Variants in CSRP3 observed in about 807,000 individuals in gnomAD.
CSRP3 encodes cysteine and glycine rich protein 3, also known as cysteine and glycine-rich protein 3.
Under a neutral mutation model 24.3 loss-of-function variants are expected in CSRP3, and 24 were observed. The observed-to-expected ratio is 0.99, with a 90% CI of 0.71 to 1.39. The LOEUF (loss-of-function observed/expected upper bound fraction) is 1.39. Ranked by LOEUF, CSRP3 falls within the 40% of genes most tolerant of loss-of-function variation. CSRP3 has a pLI of 0.00. For missense variants in CSRP3, 240 were observed against 249.0 expected (o/e 0.96, Z 0.24); for synonymous variants, 105 against 94.0 (o/e 1.12, Z -0.68).
chr11:19,183,189 G>A (rs1297034745), intron 5 of CSRP3, among the ~76,000 whole-genome samples: 2 of 151,852 alleles, frequency 1.3e-5, no homozygotes, highest in African/African-American at 2.4e-5. Flanking sequence ...GTTTATGCAT[G>A]AGCTAACTTT....
rs144404101 is a variant in CSRP3 at position 19,184,934 on chromosome 11, G to A, written c.508+18C>T. 978 of 1,577,920 alleles carry A rather than the reference G, an allele frequency of 6.2e-4. 8 individuals are homozygous for A. The African/African-American group carries it at 0.011, about 18-fold the overall frequency. On this transcript the variant is annotated intron_variant, in intron 5 of 5. Transcript: ENST00000265968. Reference sequence around the variant, plus strand: ...TTTAGGGAAAACATATTTCAAGAAAGTCTCCAGAATCACTCACCTTTGCAA... The same window carrying A: ...TTTAGGGAAAACATATTTCAAGAAAATCTCCAGAATCACTCACCTTTGCAA...
chr11:19,188,881 T>G (rs1391582078), intron 2 of CSRP3, among the ~76,000 whole-genome samples: 1 of 152,066 alleles, frequency 6.6e-6, no homozygotes, highest in Non-Finnish European at 1.5e-5. Flanking sequence ...TAGGCTTCTA[T>G]TGGCTCAAGC....
At chr11:19,188,354 C>T (rs1317074063) in intron 2 of CSRP3, 50 bp from the exon 3 acceptor site, 1 of 1,593,782 alleles carries the variant, frequency 6.3e-7, no homozygotes, top group Admixed American at 1.7e-5. Flanking sequence ...TCCTTCTCCC[C>T]TTCTTTGCAC....
chr11:19,184,099 T>G (rs183347938), intron 5 of CSRP3, among the ~76,000 whole-genome samples: 1 of 152,338 alleles, frequency 6.6e-6, no homozygotes, highest in East Asian at 1.9e-4. Flanking sequence ...ATGTCTTTAT[T>G]AGCAGCATGA....
At chr11:19,197,407 T>C (rs1472980131) in intron 1 of CSRP3, among the ~76,000 whole-genome samples, 2 of 75,050 alleles carry the variant, frequency 2.7e-5, no homozygotes, top group Non-Finnish European at 4.7e-5. Context: ...CCTTCCTTCC[T>C]TCCTTCCTTC....
chr11:19,201,194 A>G (rs1455454261), intron 1 of CSRP3, among the ~76,000 whole-genome samples: 2 of 152,190 alleles, frequency 1.3e-5, no homozygotes, highest in African/African-American at 4.8e-5. Context: ...AATCCTAACC[A>G]CTGGATAAAT....
intron 3 of CSRP3, among the ~76,000 whole-genome samples, chr11:19,187,081 G>A (rs571850653): frequency 6.6e-6 from 1 of 152,264 alleles, no homozygotes; most frequent in South Asian, 2.1e-4. Flanking sequence ...GGAAATCCTA[G>A]GTCTTCAGAC....
chr11:19,201,013 A>C (rs1480375419), intron 1 of CSRP3, among the ~76,000 whole-genome samples: 4 of 152,030 alleles, frequency 2.6e-5, no homozygotes, highest in African/African-American at 9.7e-5. Context: ...AGGAGTCACC[A>C]CCTTGGCTCA....
chr11:19,200,986 C>T (rs1850829818), intron 1 of CSRP3, among the ~76,000 whole-genome samples: 1 of 152,164 alleles, frequency 6.6e-6, no homozygotes, highest in African/African-American at 2.4e-5. Context: ...ACCAGTAACT[C>T]AACTCCTCCT....
At chr11:19,185,441 C>A (rs932878764) in intron 4 of CSRP3, among the ~76,000 whole-genome samples, 4 of 152,222 alleles carry the variant, frequency 2.6e-5, no homozygotes, top group Non-Finnish European at 2.9e-5. Flanking sequence ...TCAGGGAATT[C>A]AACCTTGTTT....
At chr11:19,201,525 G>A (rs1022118257) in intron 1 of CSRP3, among the ~76,000 whole-genome samples, 2 of 152,236 alleles carry the variant, frequency 1.3e-5, no homozygotes, top group Non-Finnish European at 2.9e-5. Context: ...TGCAGAAGAG[G>A]AGACCAAGCC....
chr11:19,201,568 T>A (rs1850843578), intron 1 of CSRP3, among the ~76,000 whole-genome samples: 1 of 152,246 alleles, frequency 6.6e-6, no homozygotes, highest in Admixed American at 6.5e-5. Flanking sequence ...AAGTCTGTCA[T>A]CCATGAATTA....
intron 2 of CSRP3, among the ~76,000 whole-genome samples, chr11:19,190,091 CATGAATGA>C (rs763070128): frequency 6.6e-6 from 1 of 152,214 alleles, no homozygotes; most frequent in East Asian, 1.9e-4. Context: ...TTATTGAGTA[CATGAATGA>C]ATGAATGAAT....
intron 1 of CSRP3, among the ~76,000 whole-genome samples, 190 bp downstream of exon 1, chr11:19,201,764 C>T (rs1485313519): frequency 6.6e-6 from 1 of 151,738 alleles, no homozygotes; most frequent in African/African-American, 2.4e-5. Flanking sequence ...ACCATCCTTG[C>T]AGGAATTTTT....
At chr11:19,193,759 A>G (rs529164817) in intron 1 of CSRP3, among the ~76,000 whole-genome samples, 5 of 152,362 alleles carry the variant, frequency 3.3e-5, no homozygotes, top group Non-Finnish European at 5.9e-5. Context: ...CGGAGGTTGC[A>G]GGGAACCAAG....
chr11:19,188,417 A>G, intron 2 of CSRP3, 113 bp from the exon 3 acceptor site: 1 of 1,043,608 alleles, frequency 9.6e-7, no homozygotes, highest in Non-Finnish European at 1.4e-6. Flanking sequence ...CCCTGAGCCA[A>G]GAATACAATG....
At chr11:19,201,325 A>C (rs1316598188) in intron 1 of CSRP3, among the ~76,000 whole-genome samples, 1 of 152,256 alleles carries the variant, frequency 6.6e-6, no homozygotes, top group African/African-American at 2.4e-5. Flanking sequence ...TTTGGGATAC[A>C]AAAGTCTATT....
At chr11:19,196,259 C>A (rs938816414) in intron 1 of CSRP3, among the ~76,000 whole-genome samples, 5 of 152,042 alleles carry the variant, frequency 3.3e-5, no homozygotes, top group African/African-American at 1.2e-4. Context: ...GAGACTCCAT[C>A]TGAAAAAATA....
At chr11:19,185,180 C>G in intron 4 of CSRP3, 135 bp from the exon 5 acceptor site, 1 of 730,644 alleles carries the variant, frequency 1.4e-6, no homozygotes, top group Non-Finnish European at 2.5e-6. Context: ...CCCATAATTT[C>G]TCCAGGGGTT....
Sources: allele counts gnomAD v4.1 joint callset (sites outside exome capture counted in the v4.1 genomes callset), GRCh38; gene constraint gnomAD v4.1.1; transcripts MANE v1.5; gene names NCBI Gene and HGNC (gene_info 2026-07-23, HGNC 2026-07-21).